Variants in PRPF39 observed in about 807,000 individuals in gnomAD.
PRPF39 encodes the protein pre-mRNA-processing factor 39.
Under a neutral mutation model 82.1 loss-of-function variants are expected in PRPF39, and 27 were observed. The ratio of observed to expected loss-of-function variants is 0.33; its 90% CI spans 0.24 to 0.45. PRPF39 has a LOEUF of 0.45. Among genes scored for constraint, PRPF39 ranks in the 20% least tolerant of loss-of-function variants. PRPF39 has a pLI of 1.00. For synonymous variants in PRPF39, 261 were observed against 256.4 expected (o/e 1.02, Z -0.17); for missense variants, 581 against 796.9 (o/e 0.73, Z 3.26).
intron 5 of PRPF39, among the ~76,000 whole-genome samples, chr14:45,107,019 A>G (rs1884554516): frequency 6.6e-6 from 1 of 152,196 alleles, no homozygotes; most frequent in South Asian, 2.1e-4. Context: ...TTTAGAATTT[A>G]AATATGGATT....
At chr14:45,086,238 G>T (rs774074700) in intron 1 of PRPF39, among the ~76,000 whole-genome samples, 1 of 152,160 alleles carries the variant, frequency 6.6e-6, no homozygotes, top group Non-Finnish European at 1.5e-5. Flanking sequence ...ACCGTGCCCG[G>T]CCCAAATGTC....
intron 7 of PRPF39, among the ~76,000 whole-genome samples, chr14:45,108,884 G>GT (rs917934102): frequency 4.6e-5 from 7 of 151,352 alleles, no homozygotes; most frequent in Non-Finnish European, 8.8e-5. Context: ...TAATTCTTTG[G>GT]TTTTTTTTGA....
intron 4 of PRPF39, among the ~76,000 whole-genome samples, chr14:45,099,749 T>C (rs1285451168): frequency 1.3e-5 from 2 of 152,172 alleles, no homozygotes; most frequent in African/African-American, 4.8e-5. Context: ...CGGCCCAGAT[T>C]CTTAATATCC....
intron 5 of PRPF39, among the ~76,000 whole-genome samples, chr14:45,103,226 A>C (rs1191678035): frequency 6.6e-6 from 1 of 152,112 alleles, no homozygotes; most frequent in Non-Finnish European, 1.5e-5. Context: ...TTTTTCTGTT[A>C]CAATTGGTAT....
chr14:45,097,447 G>C (rs917250033), intron 4 of PRPF39, among the ~76,000 whole-genome samples: 6 of 152,094 alleles, frequency 3.9e-5, no homozygotes, highest in African/African-American at 9.7e-5. Context: ...AATAATCAGT[G>C]CTACAGTGAA....
chr14:45,092,710 T>C (rs2014378942), intron 1 of PRPF39, among the ~76,000 whole-genome samples: 2 of 152,140 alleles, frequency 1.3e-5, no homozygotes, highest in Non-Finnish European at 2.9e-5. Flanking sequence ...AGTTTCTGTT[T>C]TTCTGAATTA....
At chr14:45,109,083 C>G (rs1304622017) in intron 7 of PRPF39, among the ~76,000 whole-genome samples, 3 of 152,198 alleles carry the variant, frequency 2.0e-5, no homozygotes, top group Non-Finnish European at 4.4e-5. Context: ...AGCTGCGACC[C>G]TCTACCCCCA....
chr14:45,113,751 CAG>C (rs1884760897), intron 11 of PRPF39, among the ~76,000 whole-genome samples: 1 of 152,186 alleles, frequency 6.6e-6, no homozygotes, highest in African/African-American at 2.4e-5. Context: ...GCAGAGGACA[CAG>C]TGGCGGAAGC....
intron 4 of PRPF39, among the ~76,000 whole-genome samples, chr14:45,097,881 A>ACCACCT (rs1256019981): frequency 6.6e-6 from 1 of 152,184 alleles, no homozygotes; most frequent in African/African-American, 2.4e-5. Flanking sequence ...AACAAAAAGT[A>ACCACCT]CCACCTCCAC....
chr14:45,109,966 C>T, intron 8 of PRPF39, 128 bp from the exon 9 acceptor site: 1 of 1,554,880 alleles, frequency 6.4e-7, no homozygotes, highest in South Asian at 1.2e-5. Flanking sequence ...TCCTTCCTTA[C>T]AGAAACTAGT....
rs1884723686 is a variant in PRPF39 at position 45,112,434 on chromosome 14, T to G, written c.1689T>G (p.Ile563Met). The G allele has an allele frequency of 6.5e-7, 1 of 1,544,266 alleles. No homozygotes were observed. The change falls in exon 11 of 14, where the codon ATT becomes ATG. Residue 563 changes from isoleucine (I) to methionine (M), a missense_variant. Ile to Met is a conservative substitution (Grantham distance 10). Transcript: ENST00000355765. ...FDKAVHGSLPIKMRITFSQRK... is the reference protein window; with the variant it reads ...FDKAVHGSLPMKMRITFSQRK... ...AAGCTGTACATGGTTCATTACCTAT[T>G]AAAATGAGAATTACATTTTCTCAGA... is the stretch of plus-strand genomic sequence containing the variant.
chr14:45,116,253 C>G lies in PRPF39; in HGVS notation c.*1340C>G, dbSNP rs113896516. 1 of 1,611,914 alleles carries G rather than the reference C, an allele frequency of 6.2e-7. No individual in the cohort carries two copies. Among genetic ancestry groups the G allele is most frequent in the Non-Finnish European group, 8.5e-7 (1 of 1,178,228 alleles). On this transcript the variant is annotated 3_prime_UTR_variant, in exon 14 of 14. Transcript: ENST00000355765. ...AGTGAGTTTTGCATTTGGTGGAATT[C>G]TGTTGAAGAAGTCAAGGTACATTTG...
At chr14:45,088,313 GA>G (rs1035349849) in intron 1 of PRPF39, 36 of 163,538 alleles carry the variant, frequency 2.2e-4, no homozygotes, top group Admixed American at 8.3e-4. Flanking sequence ...AGCAATTGTT[GA>G]AAAAAAAATT....
intron 4 of PRPF39, among the ~76,000 whole-genome samples, chr14:45,101,809 C>CTT (rs34278709): frequency 3.6e-5 from 5 of 137,656 alleles, no homozygotes; most frequent in Admixed American, 1.5e-4. Flanking sequence ...TATATGTATA[C>CTT]TTTTTTTTTT....
At position 45,107,505 on chromosome 14, in the gene PRPF39, G is replaced by A; in HGVS notation, c.792G>A (p.Gln264=). The change falls in exon 6 of 14, where the codon CAG becomes CAA. Residue 264 remains glutamine, a synonymous_variant. Transcript: ENST00000355765. ...NLPRDLLTGE[Q]FIQLRRELAS... is the part of the protein sequence containing the mutation. ...CTAGAGATCTTTTAACTGGTGAACA[G>A]TTTATTCAGTTGCGAAGGGAATTAG... is the stretch of plus-strand genomic sequence containing the variant. The A allele has an allele frequency of 6.4e-7, 1 of 1,565,078 alleles. No homozygotes were observed. The highest frequency in any genetic ancestry group is 8.7e-7 in the Non-Finnish European group (1 of 1,151,780).
rs138589156 is a variant in PRPF39, at chr14:45,113,085, T to C, written c.1757+583T>C. ...TTGCTGAAGTTCCAGTCTTATCTGATTGTAGTAAGCAAATACACCAGTTCC... is the reference window on the plus strand; with the variant it reads ...TTGCTGAAGTTCCAGTCTTATCTGACTGTAGTAAGCAAATACACCAGTTCC... On this transcript the variant is annotated intron_variant, in intron 11 of 13. Transcript: ENST00000355765. 2.6e-5 allele frequency among the ~76,000 whole-genome samples: 4 copies of C among 152,344 alleles called. No homozygotes were observed. In the East Asian group the frequency reaches 7.7e-4, roughly 29 times the overall value.
At position 45,092,188 on chromosome 14, in the gene PRPF39, A is replaced by T. The variant is rs371771361; in HGVS notation, c.-19-3033A>T. On this transcript the variant is annotated intron_variant, in intron 1 of 13. Transcript: ENST00000355765. The stretch of plus-strand genomic sequence containing the variant: ...TGGTCACTTACATGAGATTAACTAT[A>T]TTGCTGCTTTGAATGAAATCAGTAT... 9.2e-5 allele frequency among the ~76,000 whole-genome samples: 14 copies of T among 152,316 alleles called. 1 individual carries two copies. The East Asian group carries it at 2.3e-3, about 25-fold the overall frequency.
At chr14:45,087,052 A>T (rs1398818762) in intron 1 of PRPF39, among the ~76,000 whole-genome samples, 1 of 152,136 alleles carries the variant, frequency 6.6e-6, no homozygotes, top group Non-Finnish European at 1.5e-5. Context: ...CAGAGGGGAG[A>T]AAATAAATAC....
rs1183924375 is a variant in PRPF39 at position 45,096,290 on chromosome 14, CAA to C, written c.450+64_450+65del. 157 of 1,214,270 alleles carry C rather than the reference CAA, an allele frequency of 1.3e-4. No individual in the cohort carries two copies. In the East Asian group the frequency reaches 5.3e-3, roughly 41 times the overall value. The allele number at this position is 1,214,270 out of a possible 1,614,324, so 75.2% of individuals were successfully genotyped here. On this transcript the variant is annotated intron_variant, in intron 3 of 13. Coordinates refer to ENST00000355765, the MANE Select transcript of PRPF39 (RefSeq NM_017922.4). ...TACTGTAAGCCAATTAATAACAAAA[CAA>C]AGATTTTTTTTTTTTTTTTTTTTTG...
Sources: gnomAD v4.1 joint callset for allele counts (sites outside exome capture counted in the v4.1 genomes callset) on GRCh38, gnomAD v4.1.1 for gene constraint, MANE v1.5 for transcripts, NCBI Gene and HGNC (gene_info 2026-07-23, HGNC 2026-07-21) for gene names.